Variants in PARP15 observed in about 807,000 individuals in gnomAD.
PARP15 encodes the protein protein mono-ADP-ribosyltransferase PARP15.
Under a neutral mutation model 62.1 loss-of-function variants are expected in PARP15, and 50 were observed. That is an observed-to-expected ratio of 0.81 (90% CI 0.64 to 1.02). The LOEUF (loss-of-function observed/expected upper bound fraction) is 1.02, where lower values mean the gene tolerates loss of function less well. PARP15 is among the 50% of genes least tolerant of loss of function. The pLI is 0.00. For synonymous variants in PARP15, 309 were observed against 293.1 expected, an observed-to-expected ratio of 1.05 and a Z score of -0.55; for missense variants, 820 against 826.5, an observed-to-expected ratio of 0.99 and a Z score of 0.10.
intron 2 of PARP15, among the ~76,000 whole-genome samples, chr3:122,609,354 T>A (rs1935399812): frequency 6.6e-6 from 1 of 152,144 alleles, no homozygotes; most frequent in South Asian, 2.1e-4. Context: ...CCCAGAGACA[T>A]AGACATCTTT....
rs146696864 is a variant in PARP15, at chr3:122,610,704, A to G, written c.517A>G (p.Asn173Asp). ...AVLHAVAPYW[N>D]NGAETSWQIM... ...GCTCCATGCTGTGGCTCCATACTGG[A>G]ATAATGGAGCAGAGACTTCTTGGCA... The change falls in exon 3 of 12, where the codon AAT (asparagine) becomes GAT (aspartate). Residue 173 changes from asparagine (N) to aspartate (D), a missense_variant. Coordinates refer to ENST00000464300, the MANE Select transcript of PARP15 (RefSeq NM_001113523.3). 4,770 of 1,534,446 alleles carry G rather than the reference A, an allele frequency of 3.1e-3. 121 individuals carry two copies. In the African/African-American group the frequency reaches 0.052, roughly 17 times the overall value.
At chr3:122,622,655 C>A (rs993230493) in intron 8 of PARP15, among the ~76,000 whole-genome samples, 6 of 152,182 alleles carry the variant, frequency 3.9e-5, no homozygotes, top group African/African-American at 1.4e-4. Context: ...GAGTAAGATG[C>A]AGTCACTCCC....
intron 8 of PARP15, among the ~76,000 whole-genome samples, chr3:122,622,589 A>G (rs1936420105): frequency 6.6e-6 from 1 of 152,190 alleles, no homozygotes; most frequent in Non-Finnish European, 1.5e-5. Context: ...GCATTCATTC[A>G]TTGAATTGAA....
At chr3:122,607,862 T>A (rs938277899) in intron 2 of PARP15, among the ~76,000 whole-genome samples, 11 of 152,200 alleles carry the variant, frequency 7.2e-5, no homozygotes, top group African/African-American at 2.2e-4. Context: ...TGTCTTTCCT[T>A]TTCATTGCCA....
At chr3:122,622,115 A>T (rs1936393312) in intron 8 of PARP15, among the ~76,000 whole-genome samples, 2 of 152,082 alleles carry the variant, frequency 1.3e-5, no homozygotes, top group South Asian at 4.1e-4. Context: ...TCTTTATTTT[A>T]TGTTCCCTAA....
chr3:122,598,622 C>T (rs1934540356), intron 1 of PARP15, among the ~76,000 whole-genome samples: 1 of 152,206 alleles, frequency 6.6e-6, no homozygotes, highest in Non-Finnish European at 1.5e-5. Context: ...GCTTTTCATA[C>T]ACCAGCCTCA....
At chr3:122,617,624 T>G (rs1337294973) in intron 6 of PARP15, among the ~76,000 whole-genome samples, 1 of 152,216 alleles carries the variant, frequency 6.6e-6, no homozygotes, top group Non-Finnish European at 1.5e-5. Flanking sequence ...AACGCAACCG[T>G]TTTTCTTTAT....
At position 122,635,967 on chromosome 3, in the gene PARP15, C is replaced by T. The variant is rs757337196; in HGVS notation, c.1904C>T (p.Pro635Leu). Residue 635 changes from proline (P) to leucine (L), a missense_variant, in exon 12 of 12, where the codon CCT becomes CTT. This residue lies in a region of PARP15 where 84 missense variants were observed against 79.7 expected (regional missense o/e 1.05). Coordinates refer to ENST00000464300, the MANE Select transcript of PARP15 (RefSeq NM_001113523.3). ...FTKGRAGLVT[P>L]PPKNPHNPTD... The stretch of plus-strand genomic sequence containing the variant: ...AAGGGACGTGCAGGATTAGTCACCC[C>T]TCCACCCAAGAATCCTCACAATCCC... 3.8e-5 allele frequency: 62 copies of T among 1,614,140 alleles called. No homozygotes were observed. The highest frequency in any genetic ancestry group is 1.6e-4 in the Middle Eastern group (1 of 6,062).
At chr3:122,615,351 T>C (rs1935887239) in intron 4 of PARP15, 2 of 1,292,784 alleles carry the variant, frequency 1.5e-6, no homozygotes, top group African/African-American at 1.5e-5. Context: ...AACCCCAGAA[T>C]GTACCTAACA....
At chr3:122,634,979 C>T (rs1937265284) in intron 10 of PARP15, 41 bp from the exon 11 acceptor site, 1 of 1,596,438 alleles carries the variant, frequency 6.3e-7, no homozygotes, top group African/African-American at 1.3e-5. Context: ...TACTGAGCCC[C>T]AAGGTCCTTT....
At chr3:122,619,695 A>G in intron 6 of PARP15, 86 bp from the exon 7 acceptor site, 1 of 1,139,452 alleles carries the variant, frequency 8.8e-7, no homozygotes, top group South Asian at 1.2e-5. Flanking sequence ...CAAAAGGGTG[A>G]GTTGAGCAGA....
intron 1 of PARP15, among the ~76,000 whole-genome samples, chr3:122,582,655 C>G (rs895538477): frequency 2.0e-5 from 3 of 152,082 alleles, no homozygotes; most frequent in Admixed American, 2.0e-4. Context: ...GTAGATGTGT[C>G]TAGGTGTAGT....
Position 122,577,832 on chromosome 3 carries a change from G to C in PARP15, c.165G>C (p.Arg55=). ...AGNRGARKAS[R]RSSSRSMSRD... ...ACCGTGGGGCGCGGAAGGCCTCCCG[G>C]CGCTCTTCCTCCCGGAGTATGGTGA... The change falls in exon 1 of 12, where the codon CGG becomes CGC. Residue 55 remains arginine (R), a synonymous_variant. Coordinates refer to ENST00000464300, the MANE Select transcript of PARP15 (RefSeq NM_001113523.3). The C allele has an allele frequency of 6.5e-7, 1 of 1,550,066 alleles. No individual in the cohort carries two copies. The highest frequency in any genetic ancestry group is 8.7e-7 in the Non-Finnish European group (1 of 1,146,114).
At position 122,631,214 on chromosome 3, in the gene PARP15, C is replaced by T. The variant is rs1420538864; in HGVS notation, c.1439-872C>T. Among the ~76,000 whole-genome samples, 7 of 152,188 alleles carry T rather than the reference C, an allele frequency of 4.6e-5. No individual in the cohort carries two copies. The East Asian group carries it at 9.6e-4, about 21-fold the overall frequency. On this transcript the variant is annotated intron_variant, in intron 9 of 11. Transcript: ENST00000464300. ...GAAGGAATGTAGCTTTCAGAAATCACGCACCTTATTGGTGGGAAACTGCCA... is the reference window on the plus strand; with the variant it reads ...GAAGGAATGTAGCTTTCAGAAATCATGCACCTTATTGGTGGGAAACTGCCA...
chr3:122,631,708 A>G (rs1402284933), intron 9 of PARP15, among the ~76,000 whole-genome samples: 5 of 152,250 alleles, frequency 3.3e-5, no homozygotes. Flanking sequence ...CAAAAAATAG[A>G]AGAGAACTAC....
At chr3:122,584,980 C>G (rs1933306368) in intron 1 of PARP15, among the ~76,000 whole-genome samples, 1 of 151,976 alleles carries the variant, frequency 6.6e-6, no homozygotes, top group African/African-American at 2.4e-5. Context: ...TTCCTTAAAC[C>G]TATTAATATG....
At chr3:122,621,245 C>T in intron 7 of PARP15, 199 bp from the exon 8 acceptor site, 1 of 556,390 alleles carries the variant, frequency 1.8e-6, no homozygotes, top group East Asian at 3.1e-5. Flanking sequence ...AAATACTCAA[C>T]AGTGTATTTG....
chr3:122,613,365 T>C, intron 4 of PARP15, 97 bp downstream of exon 4: 1 of 1,099,870 alleles, frequency 9.1e-7, no homozygotes, highest in Non-Finnish European at 1.3e-6. Context: ...TTTCTAATCC[T>C]GTGCCTATAA....
In PARP15 at chr3:122,637,325, C is replaced by T. The variant is rs2668332; in HGVS notation, c.*1225C>T. The stretch of plus-strand genomic sequence containing the variant: ...AACATCTTCAGGGAACCTATTCCGC[C>T]GTGGGACAGTGTTAATTAGTGGAAA... On this transcript the variant is annotated 3_prime_UTR_variant, in exon 12 of 12. Coordinates refer to ENST00000464300, the MANE Select transcript of PARP15 (RefSeq NM_001113523.3). 0.32 allele frequency: 48,149 copies of T among 151,822 alleles called. 9,440 individuals carry two copies. The highest frequency in any genetic ancestry group is 0.56 in the African/African-American group (23,028 of 41,366). The allele number at this position is 151,822 out of a possible 1,614,324, so 9.4% of individuals were successfully genotyped here.
Sources: gnomAD v4.1 joint callset for allele counts (sites outside exome capture counted in the v4.1 genomes callset) on GRCh38, gnomAD v4.1.1 for gene constraint, gnomAD v4.1.1 regional missense constraint, MANE v1.5 for transcripts, NCBI Gene and HGNC (gene_info 2026-07-23, HGNC 2026-07-21) for gene names.